Variants in ARL13B observed in about 807,000 individuals in gnomAD.
ARL13B encodes the protein ARF like GTPase 13B.
A neutral mutation model predicts 56.1 loss-of-function variants in ARL13B; 36 were observed. The ratio of observed to expected loss-of-function variants is 0.64; its 90% CI spans 0.49 to 0.85. The LOEUF is 0.85. Among genes scored for constraint, ARL13B ranks in the 40% least tolerant of loss-of-function variants. ARL13B has a pLI of 0.00. For synonymous variants in ARL13B, 178 were observed against 171.1 expected (o/e 1.04, Z -0.32); for missense variants, 519 against 507.1 (o/e 1.02, Z -0.23).
chr3:94,039,786 C>T (rs759911490), intron 5 of ARL13B, 94 bp from the exon 6 acceptor site: 39 of 1,023,228 alleles, frequency 3.8e-5, no homozygotes, highest in Non-Finnish European at 5.2e-5. Context: ...GTTTAAATTA[C>T]TACATGTAAT....
intron 2 of ARL13B, among the ~76,000 whole-genome samples, chr3:93,997,858 A>C (rs967516632): frequency 1.3e-5 from 2 of 152,130 alleles, no homozygotes; most frequent in African/African-American, 4.8e-5. Context: ...GTGGTGGCAC[A>C]CACCTGTAAT....
intron 2 of ARL13B, among the ~76,000 whole-genome samples, chr3:93,997,070 A>AC (rs936194879): frequency 8.2e-4 from 118 of 144,508 alleles, no homozygotes; most frequent in African/African-American, 2.8e-3. Context: ...GCCTCCCATC[A>AC]CCCCCCCAGA....
chr3:94,044,716 C>T (rs2082031978), intron 7 of ARL13B, among the ~76,000 whole-genome samples: 1 of 147,710 alleles, frequency 6.8e-6, no homozygotes, highest in Non-Finnish European at 1.5e-5. Context: ...AGGAGCGCCT[C>T]TGCCCGGCCA....
chr3:94,023,020 C>T (rs1405028437), intron 3 of ARL13B, among the ~76,000 whole-genome samples: 1 of 151,630 alleles, frequency 6.6e-6, no homozygotes, highest in East Asian at 1.9e-4. Flanking sequence ...TCTAATGTAA[C>T]CTGATTGTGT....
chr3:94,013,155 A>G (rs1273230493), intron 3 of ARL13B, among the ~76,000 whole-genome samples: 1 of 152,108 alleles, frequency 6.6e-6, no homozygotes, highest in East Asian at 1.9e-4. Context: ...TATGCCTGGA[A>G]TTATACCCTC....
At chr3:94,002,089 T>A (rs1347101229) in intron 2 of ARL13B, among the ~76,000 whole-genome samples, 1 of 152,156 alleles carries the variant, frequency 6.6e-6, no homozygotes, top group African/African-American at 2.4e-5. Context: ...CTAAGTTTAG[T>A]GAATGCCTTT....
At chr3:93,995,131 T>C (rs1197307313) in intron 1 of ARL13B, among the ~76,000 whole-genome samples, 1 of 152,138 alleles carries the variant, frequency 6.6e-6, no homozygotes, top group East Asian at 1.9e-4. Flanking sequence ...GTAAACAGAA[T>C]CACCAAGTTA....
chr3:94,043,962 A>G (rs957103966), intron 7 of ARL13B, among the ~76,000 whole-genome samples: 11 of 151,188 alleles, frequency 7.3e-5, no homozygotes, highest in South Asian at 2.1e-4. Context: ...TCAACGCTCA[A>G]TGTTGCTCAG....
intron 7 of ARL13B, among the ~76,000 whole-genome samples, chr3:94,047,666 G>C (rs2077003588): frequency 6.6e-6 from 1 of 152,092 alleles, no homozygotes; most frequent in African/African-American, 2.4e-5. Context: ...TCATATATCT[G>C]TCTGTGTAAG....
At chr3:94,045,067 G>GTAGACA in intron 7 of ARL13B, among the ~76,000 whole-genome samples, 1 of 152,326 alleles carries the variant, frequency 6.6e-6, no homozygotes, top group Admixed American at 6.5e-5. Flanking sequence ...GTAGAAAGAA[G>GTAGACA]TAGACATAGA....
chr3:93,997,564 TTAAAC>T (rs2075987976), intron 2 of ARL13B, among the ~76,000 whole-genome samples: 1 of 152,212 alleles, frequency 6.6e-6, no homozygotes, highest in Non-Finnish European at 1.5e-5. Context: ...CTATCATTAT[TTAAAC>T]TAGTGGTCAG....
intron 3 of ARL13B, chr3:94,014,667 T>A: frequency 6.2e-7 from 1 of 1,613,636 alleles, no homozygotes; most frequent in Non-Finnish European, 8.5e-7. Context: ...TGATATTGAT[T>A]TCTGTAAGTA....
At chr3:94,046,650 C>CA (rs1297132905) in intron 7 of ARL13B, among the ~76,000 whole-genome samples, 53 of 149,832 alleles carry the variant, frequency 3.5e-4, no homozygotes, top group Admixed American at 9.3e-4. Context: ...TCATGTACAA[C>CA]AAAAAAAAAG....
intron 3 of ARL13B, among the ~76,000 whole-genome samples, chr3:94,026,016 C>G (rs1351977057): frequency 6.6e-6 from 1 of 150,582 alleles, no homozygotes; most frequent in Admixed American, 6.7e-5. Flanking sequence ...CACCTGAAAA[C>G]TTCTCTTTTT....
rs144705966 is a variant in ARL13B at position 94,005,572 on chromosome 3, G to T, written c.380+1664G>T. Among the ~76,000 whole-genome samples the T allele has an allele frequency of 9.1e-3, 1,386 of 152,266 alleles. 25 individuals are homozygous for T. Among genetic ancestry groups the T allele is most frequent in the African/African-American group, 0.031 (1,300 of 41,554 alleles). ...GCTAGTGAATTTCCTGAATAGAAAA[G>T]AAAATACAGAACTACTGTGATTGCT... On this transcript the variant is annotated intron_variant, in intron 3 of 9. Transcript: ENST00000394222.
At chr3:94,040,721 T>C (rs1235877747) in intron 6 of ARL13B, among the ~76,000 whole-genome samples, 1 of 151,730 alleles carries the variant, frequency 6.6e-6, no homozygotes, top group African/African-American at 2.4e-5. Flanking sequence ...CTATCAGATA[T>C]TATATTTGTC....
intron 2 of ARL13B, 34 bp downstream of exon 2, chr3:93,995,978 C>T: frequency 1.3e-6 from 2 of 1,586,310 alleles, no homozygotes; most frequent in Non-Finnish European, 1.7e-6. Flanking sequence ...TTTCTGAACT[C>T]TATTAAATTA....
intron 3 of ARL13B, among the ~76,000 whole-genome samples, chr3:94,011,509 G>A (rs557836559): frequency 7.5e-4 from 114 of 152,190 alleles, no homozygotes; most frequent in African/African-American, 2.7e-3. Context: ...TCGCACAAGA[G>A]TATTCTCATT....
chr3:94,030,924 C>T (rs2076666223), intron 3 of ARL13B, among the ~76,000 whole-genome samples: 1 of 152,220 alleles, frequency 6.6e-6, no homozygotes, highest in South Asian at 2.1e-4. Context: ...TGCCTGTAAT[C>T]CAGTACTTTA....
Sources: gnomAD v4.1 joint callset for allele counts (sites outside exome capture counted in the v4.1 genomes callset) on GRCh38, gnomAD v4.1.1 for gene constraint, MANE v1.5 for transcripts, NCBI Gene and HGNC (gene_info 2026-07-23, HGNC 2026-07-21) for gene names.